C2CD3: variants seen among roughly 807,000 people sequenced by gnomAD.
The protein encoded by C2CD3 is C2 domain containing 3 centriole elongation regulator, also known as C2 domain-containing protein 3.
In C2CD3, 148 loss-of-function variants were observed where a neutral mutation model predicts 234.0. The ratio of observed to expected loss-of-function variants is 0.63; its 90% CI spans 0.55 to 0.72. The LOEUF (loss-of-function observed/expected upper bound fraction) is 0.72, where lower values mean the gene tolerates loss of function less well. Among genes scored for constraint, C2CD3 ranks in the 30% least tolerant of loss-of-function variants. The pLI is 0.00. For missense variants in C2CD3, 2,577 were observed against 2,811.5 expected (o/e 0.92, Z 1.89); for synonymous variants, 1,000 against 1,035.4 (o/e 0.97, Z 0.66).
chr11:74,087,109 AAAG>A (rs1955672618), intron 20 of C2CD3, among the ~76,000 whole-genome samples: 2 of 152,230 alleles, frequency 1.3e-5, no homozygotes, highest in African/African-American at 4.8e-5. Context: ...TCTAAGAAAA[AAAG>A]AAAAACTTTT....
At chr11:74,056,464 A>G (rs954052565) in intron 25 of C2CD3, among the ~76,000 whole-genome samples, 1 of 152,166 alleles carries the variant, frequency 6.6e-6, no homozygotes, top group African/African-American at 2.4e-5. Flanking sequence ...GAGACCTAAC[A>G]TTTGTTGTAT....
intron 5 of C2CD3, among the ~76,000 whole-genome samples, chr11:74,135,471 T>C (rs1957831776): frequency 6.6e-6 from 1 of 152,140 alleles, no homozygotes; most frequent in African/African-American, 2.4e-5. Context: ...GACAGGAAGA[T>C]TATCTTGGTA....
intron 1 of C2CD3, 58 bp from the exon 2 acceptor site, chr11:74,168,671 A>C: frequency 2.1e-6 from 3 of 1,453,728 alleles, no homozygotes; most frequent in Non-Finnish European, 2.8e-6. Context: ...GAAAACATAT[A>C]ATATGCTTTT....
At chr11:74,161,017 C>T (rs1856421266) in intron 3 of C2CD3, among the ~76,000 whole-genome samples, 1 of 152,180 alleles carries the variant, frequency 6.6e-6, no homozygotes, top group Non-Finnish European at 1.5e-5. Context: ...AAAACAAAGG[C>T]TTGCCTCTCA....
chr11:74,117,750 C>A (rs921507890), intron 9 of C2CD3, among the ~76,000 whole-genome samples: 1 of 151,910 alleles, frequency 6.6e-6, no homozygotes, highest in Non-Finnish European at 1.5e-5. Context: ...GCCGTCTCTA[C>A]TAAAAATACA....
At chr11:74,158,701 A>T (rs1856214790) in intron 3 of C2CD3, among the ~76,000 whole-genome samples, 1 of 150,734 alleles carries the variant, frequency 6.6e-6, no homozygotes, top group African/African-American at 2.5e-5. Flanking sequence ...CAACCTGTAC[A>T]ACAAGAGCAA....
chr11:74,071,105 C>T (rs1565254163), intron 24 of C2CD3, among the ~76,000 whole-genome samples: 1 of 152,346 alleles, frequency 6.6e-6, no homozygotes, highest in East Asian at 1.9e-4. Context: ...CTCCATTAGG[C>T]TGTTCCTTGG....
chr11:74,043,862 G>T (rs1953209696), intron 28 of C2CD3, among the ~76,000 whole-genome samples: 2 of 152,020 alleles, frequency 1.3e-5, no homozygotes, highest in South Asian at 2.1e-4. Context: ...TTGAGACAGG[G>T]TCTCACTTTG....
chr11:74,078,859 T>C (rs1955196572), intron 22 of C2CD3, 142 bp from the exon 23 acceptor site: 1 of 731,592 alleles, frequency 1.4e-6, no homozygotes, highest in African/African-American at 1.8e-5. Context: ...GGAGTTTATG[T>C]TCATCTGACC....
At chr11:74,148,689 C>T (rs1855385377) in intron 3 of C2CD3, among the ~76,000 whole-genome samples, 2 of 152,092 alleles carry the variant, frequency 1.3e-5, no homozygotes, top group Non-Finnish European at 2.9e-5. Context: ...GCCTTCTTTG[C>T]AGTCCCTCAC....
chr11:74,063,348 T>A (rs1011320000), intron 24 of C2CD3, among the ~76,000 whole-genome samples: 5 of 152,062 alleles, frequency 3.3e-5, no homozygotes, highest in Admixed American at 3.3e-4. Flanking sequence ...TAGACCAATA[T>A]CCCTGATGAA....
At position 74,034,258 on chromosome 11, in the gene C2CD3, C is replaced by A; in HGVS notation, c.5902G>T (p.Asp1968Tyr). ...LITDLQTITR[D>Y]SQAALSSHRA... ...TGAGAACTCAAAGCTGCTTGCGAAT[C>A]CCTGGTGATAGTCTGCAGATCTGAA... is the stretch of plus-strand genomic sequence containing the variant. The change falls in exon 31 of 33, where the codon GAT becomes TAT. Residue 1968 changes from aspartate to tyrosine, a missense_variant. Asp to Tyr is a radical substitution (Grantham distance 160). Transcript: ENST00000334126. The A allele has an allele frequency of 6.5e-7, 1 of 1,535,768 alleles. No homozygotes were observed. Among genetic ancestry groups the A allele is most frequent in the Non-Finnish European group, 8.7e-7 (1 of 1,146,674 alleles).
At chr11:74,134,897 T>A (rs1047505411) in intron 5 of C2CD3, among the ~76,000 whole-genome samples, 2 of 152,268 alleles carry the variant, frequency 1.3e-5, no homozygotes, top group Non-Finnish European at 2.9e-5. Context: ...GCTTATTTTT[T>A]ATTTTTTTGT....
At position 74,103,251 on chromosome 11, in the gene C2CD3, T is replaced by C; in HGVS notation, c.2460A>G (p.Gly820=). 6.2e-7 allele frequency: 1 copy of C among 1,614,192 alleles called. No individual in the cohort carries two copies. Among genetic ancestry groups the C allele is most frequent in the Non-Finnish European group, 8.5e-7 (1 of 1,180,024 alleles). Residue 820 remains glycine (G), a synonymous_variant, in exon 14 of 33, where the codon GGA becomes GGG. Coordinates refer to ENST00000334126, the MANE Select transcript of C2CD3 (RefSeq NM_001286577.2). Reference sequence around the variant, plus strand: ...TGCATGGTGATTGTTTCTCAGATTCTCCACTAATAAAATCTTTCCCATCTG... The same window carrying C: ...TGCATGGTGATTGTTTCTCAGATTCCCCACTAATAAAATCTTTCCCATCTG... ...MVPDGKDFIS[G]ESEKQSPCNV...
intron 32 of C2CD3, among the ~76,000 whole-genome samples, chr11:74,021,822 ACTGGTTAGAAATAGTCGGGGGGG>A (rs1432999388): frequency 6.6e-6 from 1 of 152,046 alleles, no homozygotes; most frequent in African/African-American, 2.4e-5. Flanking sequence ...TATAAGTGAG[ACTGGTTAGAAATAGTCGGGGGGG>A]CTGGGCGCAG....
chr11:74,077,811 A>AATCTCT (rs1565263107), intron 23 of C2CD3, among the ~76,000 whole-genome samples: 5 of 29,560 alleles, frequency 1.7e-4, no homozygotes, highest in Admixed American at 3.4e-4. Flanking sequence ...ATATATATAT[A>AATCTCT]TATATATATA....
intron 24 of C2CD3, among the ~76,000 whole-genome samples, chr11:74,060,379 A>C (rs774539734): frequency 5.0e-4 from 76 of 152,322 alleles, no homozygotes; most frequent in Non-Finnish European, 7.9e-4. Flanking sequence ...GTAGGGGCTG[A>C]CTGACACCCA....
At chr11:74,056,001 G>A (rs1447707354) in intron 25 of C2CD3, among the ~76,000 whole-genome samples, 1 of 152,210 alleles carries the variant, frequency 6.6e-6, no homozygotes, top group Non-Finnish European at 1.5e-5. Context: ...GCCTTTTGGG[G>A]AGGATCTGAT....
At chr11:74,109,194 A>C in intron 11 of C2CD3, 42 bp from the exon 12 acceptor site, 1 of 1,019,726 alleles carries the variant, frequency 9.8e-7, no homozygotes, top group Non-Finnish European at 1.4e-6. Context: ...ACACCACCCA[A>C]CTGAAGTCAT....
Sources: gnomAD v4.1 joint callset for allele counts (sites outside exome capture counted in the v4.1 genomes callset) on GRCh38, gnomAD v4.1.1 for gene constraint, MANE v1.5 for transcripts, NCBI Gene and HGNC (gene_info 2026-07-23, HGNC 2026-07-21) for gene names.